SMIM13: variants seen among roughly 807,000 people sequenced by gnomAD.
SMIM13 encodes the protein small integral membrane protein 13, also known as UPF0766 protein C6orf228.
In SMIM13, 3 loss-of-function variants were observed where a neutral mutation model predicts 5.9. The observed-to-expected ratio is 0.51, with a 90% confidence interval of 0.23 to 1.31. The LOEUF is 1.31. SMIM13 is among the 40% of genes most tolerant of loss of function. The pLI is 0.18. For missense variants in SMIM13, 85 were observed against 109.9 expected (o/e 0.77, Z 1.01); for synonymous variants, 55 against 46.0 (o/e 1.19, Z -0.79).
intron 1 of SMIM13, among the ~76,000 whole-genome samples, chr6:11,119,894 T>C (rs1758289522): frequency 6.6e-6 from 1 of 152,194 alleles, no homozygotes; most frequent in Admixed American, 6.5e-5. Flanking sequence ...CTTCTAGCAT[T>C]GCCTAGTGTG....
At chr6:11,104,174 G>A in intron 1 of SMIM13, 1 of 1,551,726 alleles carries the variant, frequency 6.4e-7, no homozygotes. Context: ...GGCTATAGGT[G>A]AGGGAAGCTT....
At chr6:11,133,739 T>TG (rs1491127227) in intron 1 of SMIM13, among the ~76,000 whole-genome samples, 1 of 94,844 alleles carries the variant, frequency 1.1e-5, no homozygotes, top group Non-Finnish European at 2.1e-5. Context: ...ACAAAACTTG[T>TG]TTTTTTTTTT....
chr6:11,126,311 G>T (rs1011491873), intron 1 of SMIM13, among the ~76,000 whole-genome samples: 9 of 152,194 alleles, frequency 5.9e-5, no homozygotes, highest in African/African-American at 1.9e-4. Flanking sequence ...GCTTCCCAAA[G>T]TGCTGGGATT....
At chr6:11,097,954 C>G (rs935670902) in intron 1 of SMIM13, among the ~76,000 whole-genome samples, 34 of 152,060 alleles carry the variant, frequency 2.2e-4, no homozygotes, top group African/African-American at 7.5e-4. Context: ...CGCCGCCCCC[C>G]CACCCAATTT....
intron 1 of SMIM13, among the ~76,000 whole-genome samples, chr6:11,125,294 T>TAAAAA (rs34260357): frequency 1.9e-5 from 2 of 105,194 alleles, no homozygotes; most frequent in African/African-American, 7.7e-5. Flanking sequence ...GACTCCATCT[T>TAAAAA]AAAAAAAAAA....
Position 11,125,839 on chromosome 6 carries a change from A to G in SMIM13, c.77-8564A>G, listed in dbSNP as rs117767020. On this transcript the variant is annotated intron_variant, in intron 1 of 1. Transcript: ENST00000416247. ...GGGTTAAATCTGCTTGGTGTTCTATAACTTTCTTGTACTTGAGTATTGATA... is the reference window on the plus strand; with the variant it reads ...GGGTTAAATCTGCTTGGTGTTCTATGACTTTCTTGTACTTGAGTATTGATA... Among the ~76,000 whole-genome samples, 36 of 152,188 alleles carry G rather than the reference A, an allele frequency of 2.4e-4. No individual in the cohort carries two copies. In the East Asian group the frequency reaches 6.6e-3, roughly 28 times the overall value.
intron 1 of SMIM13, among the ~76,000 whole-genome samples, chr6:11,133,736 TTG>T (rs1341562033): frequency 1.0e-3 from 149 of 144,424 alleles, no homozygotes; most frequent in African/African-American, 3.1e-3. Flanking sequence ...AAAACAAAAC[TTG>T]TTTTTTTTTT....
intron 1 of SMIM13, among the ~76,000 whole-genome samples, chr6:11,101,457 G>A (rs1056325240): frequency 2.0e-5 from 3 of 152,124 alleles, no homozygotes; most frequent in Non-Finnish European, 2.9e-5. Context: ...GCTGTTTCTC[G>A]CAATACCAGG....
At chr6:11,122,140 C>T (rs1024383935) in intron 1 of SMIM13, among the ~76,000 whole-genome samples, 7 of 152,156 alleles carry the variant, frequency 4.6e-5, no homozygotes, top group Non-Finnish European at 8.8e-5. Context: ...GCATGTCCAT[C>T]GCAATCATTC....
intron 1 of SMIM13, among the ~76,000 whole-genome samples, chr6:11,106,456 C>A (rs1452534287): frequency 6.6e-6 from 1 of 152,214 alleles, no homozygotes; most frequent in Non-Finnish European, 1.5e-5. Flanking sequence ...TAGTCCCTCC[C>A]CCACTGAACA....
chr6:11,112,190 C>T (rs1758177075), intron 1 of SMIM13, among the ~76,000 whole-genome samples: 1 of 152,068 alleles, frequency 6.6e-6, no homozygotes, highest in South Asian at 2.1e-4. Flanking sequence ...CTGCCCTGCT[C>T]ATGTCTGCCT....
intron 1 of SMIM13, among the ~76,000 whole-genome samples, chr6:11,101,859 C>T (rs1276294002): frequency 6.6e-6 from 1 of 152,024 alleles, no homozygotes; most frequent in East Asian, 1.9e-4. Context: ...CCTGCCTCAG[C>T]CACCCAAGTA....
chr6:11,125,653 C>G (rs561394188), intron 1 of SMIM13, among the ~76,000 whole-genome samples: 1 of 152,166 alleles, frequency 6.6e-6, no homozygotes, highest in Non-Finnish European at 1.5e-5. Context: ...GCCATGCCAC[C>G]CTCTCCTGAC....
chr6:11,133,665 T>G (rs1758480028), intron 1 of SMIM13, among the ~76,000 whole-genome samples: 3 of 152,134 alleles, frequency 2.0e-5, no homozygotes, highest in Admixed American at 2.0e-4. Context: ...TGTGTGTTCC[T>G]TTATTGATTA....
At chr6:11,129,085 G>T (rs933557844) in intron 1 of SMIM13, among the ~76,000 whole-genome samples, 1 of 151,452 alleles carries the variant, frequency 6.6e-6, no homozygotes, top group African/African-American at 2.4e-5. Flanking sequence ...GAGCGGGGGG[G>T]GGATGATCAC....
intron 1 of SMIM13, chr6:11,104,378 A>G: frequency 6.4e-7 from 1 of 1,551,718 alleles, no homozygotes. Flanking sequence ...CAGTCCAGTT[A>G]CTGGGGAGGC....
chr6:11,119,549 G>T (rs550184294), intron 1 of SMIM13, among the ~76,000 whole-genome samples: 1 of 152,244 alleles, frequency 6.6e-6, no homozygotes, highest in African/African-American at 2.4e-5. Flanking sequence ...AGCTACTCGG[G>T]AGGCAGAGGC....
intron 1 of SMIM13, among the ~76,000 whole-genome samples, chr6:11,120,696 TGATACGCTGTTAA>T (rs1758297921): frequency 6.6e-6 from 1 of 152,212 alleles, no homozygotes; most frequent in Non-Finnish European, 1.5e-5. Context: ...CTGAGAAATT[TGATACGCTGTTAA>T]GATTCATTGC....
At chr6:11,104,577 C>G in intron 1 of SMIM13, 2 of 1,611,950 alleles carry the variant, frequency 1.2e-6, no homozygotes, top group Non-Finnish European at 1.7e-6. Flanking sequence ...CTGGTTAGCT[C>G]CCTTGGTTTT....
Sources: gnomAD v4.1 joint callset for allele counts (sites outside exome capture counted in the v4.1 genomes callset) on GRCh38, gnomAD v4.1.1 for gene constraint, MANE v1.5 for transcripts, NCBI Gene and HGNC (gene_info 2026-07-23, HGNC 2026-07-21) for gene names.